Variants in RBMS3 observed in about 807,000 individuals in gnomAD.
RBMS3 encodes the protein RNA-binding motif, single-stranded-interacting protein 3.
In RBMS3, 27 loss-of-function variants were observed where a neutral mutation model predicts 66.8. That is an observed-to-expected ratio of 0.40 (90% CI 0.30 to 0.56). The LOEUF (loss-of-function observed/expected upper bound fraction) is 0.56, where lower values mean the gene tolerates loss of function less well. Ranked by LOEUF, RBMS3 falls within the 20% of genes least tolerant of loss-of-function variation. The probability of loss-of-function intolerance (pLI) is 0.40; values close to 1 mark genes in which losing one functional copy is unlikely to be tolerated. For missense variants in RBMS3, 513 were observed against 549.5 expected, an observed-to-expected ratio of 0.93 and a Z score of 0.66; for synonymous variants, 188 against 183.0, an observed-to-expected ratio of 1.03 and a Z score of -0.22.
chr3:29,398,016 T>C (rs2039635946), intron 1 of RBMS3, among the ~76,000 whole-genome samples: 1 of 152,194 alleles, frequency 6.6e-6, no homozygotes, highest in Admixed American at 6.5e-5. Context: ...AATCTCCTTA[T>C]GGCCTTTGGG....
chr3:29,975,646 G>C (rs1021541448), intron 12 of RBMS3, among the ~76,000 whole-genome samples: 2 of 151,822 alleles, frequency 1.3e-5, no homozygotes, highest in East Asian at 3.9e-4. Context: ...AAATCATATA[G>C]TGAGATCCCT....
intron 2 of RBMS3, among the ~76,000 whole-genome samples, chr3:29,482,464 A>T (rs2125821110): frequency 6.6e-6 from 1 of 152,176 alleles, no homozygotes; most frequent in Non-Finnish European, 1.5e-5. Context: ...TCCTCACAAG[A>T]TTTTCACTGT....
At position 29,369,158 on chromosome 3, in the gene RBMS3, C is replaced by G. The variant is rs184046472; in HGVS notation, c.76-65585C>G. 1.3e-3 allele frequency among the ~76,000 whole-genome samples: 195 copies of G among 151,998 alleles called. 1 individual carries two copies. The highest frequency in any genetic ancestry group is 3.6e-3 in the Admixed American group (55 of 15,254). On this transcript the variant is annotated intron_variant, in intron 1 of 14. Transcript: ENST00000383767. Reference sequence around the variant, plus strand: ...GGGGAACAGCCGGCACCGGGGCCTACTTGAGAGTGGAGGGTCAGAGGAGGG... The same window carrying G: ...GGGGAACAGCCGGCACCGGGGCCTAGTTGAGAGTGGAGGGTCAGAGGAGGG...
chr3:29,479,217 G>A (rs2043051184), intron 2 of RBMS3, among the ~76,000 whole-genome samples: 1 of 151,776 alleles, frequency 6.6e-6, no homozygotes. Flanking sequence ...GTAGGCATGA[G>A]AATTTGCAAT....
intron 6 of RBMS3, among the ~76,000 whole-genome samples, chr3:29,809,492 T>C (rs1288389935): frequency 5.3e-5 from 8 of 152,034 alleles, no homozygotes; most frequent in Non-Finnish European, 1.0e-4. Flanking sequence ...AATAAATCAC[T>C]GATATATTAG....
At chr3:29,893,287 C>T (rs962750656) in intron 8 of RBMS3, among the ~76,000 whole-genome samples, 6 of 151,384 alleles carry the variant, frequency 4.0e-5, no homozygotes, top group African/African-American at 7.3e-5. Flanking sequence ...ATTAAATTTT[C>T]CCCCAAGGGT....
At chr3:29,679,875 C>G (rs1344225357) in intron 4 of RBMS3, among the ~76,000 whole-genome samples, 1 of 151,772 alleles carries the variant, frequency 6.6e-6, no homozygotes, top group Admixed American at 6.6e-5. Flanking sequence ...GATCTTAATT[C>G]TGCTTGTTTA....
rs2059428407 is a variant in RBMS3 at position 29,869,103 on chromosome 3, C to T, written c.744+139C>T. ...GTCTTCAAAGGGGCAAATGAGCAGA[C>T]CCATGTTAATGTGTTCTAGATGAAA... On this transcript the variant is annotated intron_variant, in intron 7 of 14. Coordinates refer to ENST00000383767, the MANE Select transcript of RBMS3 (RefSeq NM_001003793.3). The T allele has an allele frequency of 4.6e-6, 3 of 654,022 alleles. No homozygotes were observed. In the Admixed American group the frequency reaches 9.6e-5, roughly 21 times the overall value. 40.5% of individuals were successfully genotyped at this position (654,022 alleles called of 1,614,324 possible).
chr3:29,775,583 G>A (rs1366349338), intron 6 of RBMS3, among the ~76,000 whole-genome samples: 2 of 151,936 alleles, frequency 1.3e-5, no homozygotes, highest in Non-Finnish European at 2.9e-5. Flanking sequence ...GATGCCACAT[G>A]GGAGCTGTGT....
chr3:29,370,397 T>C (rs4368459), intron 1 of RBMS3, among the ~76,000 whole-genome samples: 45,169 of 152,094 alleles, frequency 0.3, 7,646 homozygotes, highest in East Asian at 0.72. Context: ...GTTCTGCCTC[T>C]TAGTAAATTT....
chr3:29,429,523 T>A (rs1190850113), intron 1 of RBMS3, among the ~76,000 whole-genome samples: 2 of 151,872 alleles, frequency 1.3e-5, no homozygotes, highest in Non-Finnish European at 2.9e-5. Flanking sequence ...GCAAGAGAAA[T>A]CCTCTATCTC....
At chr3:29,642,384 TTTG>T (rs1469785596) in intron 4 of RBMS3, among the ~76,000 whole-genome samples, 2 of 152,030 alleles carry the variant, frequency 1.3e-5, no homozygotes, top group Admixed American at 6.6e-5. Flanking sequence ...TTTTGAACAC[TTTG>T]TTGTTAGTTT....
intron 1 of RBMS3, among the ~76,000 whole-genome samples, chr3:29,417,860 T>C (rs947801993): frequency 1.3e-5 from 2 of 152,162 alleles, no homozygotes; most frequent in African/African-American, 4.8e-5. Context: ...AGGAAAGGAA[T>C]TGTCTATCGT....
chr3:29,350,245 T>C (rs2036832164), intron 1 of RBMS3, among the ~76,000 whole-genome samples: 1 of 152,128 alleles, frequency 6.6e-6, no homozygotes, highest in South Asian at 2.1e-4. Flanking sequence ...TATAAAATTA[T>C]GGCTAAGAAT....
chr3:29,627,303 T>A (rs1472842937), intron 4 of RBMS3, among the ~76,000 whole-genome samples: 1 of 151,158 alleles, frequency 6.6e-6, no homozygotes, highest in Non-Finnish European at 1.5e-5. Flanking sequence ...TCTCTCTGTC[T>A]CTCTCTCTCT....
chr3:29,420,790 T>C (rs2040683886), intron 1 of RBMS3, among the ~76,000 whole-genome samples: 1 of 151,958 alleles, frequency 6.6e-6, no homozygotes, highest in Admixed American at 6.6e-5. Flanking sequence ...CACTCTATGT[T>C]ATAGTGATTG....
At chr3:29,460,847 T>C (rs1182774207) in intron 2 of RBMS3, among the ~76,000 whole-genome samples, 2 of 152,236 alleles carry the variant, frequency 1.3e-5, no homozygotes, top group Non-Finnish European at 2.9e-5. Context: ...GAACAGTGTC[T>C]GATTCTCAGG....
intron 1 of RBMS3, among the ~76,000 whole-genome samples, chr3:29,422,735 T>G (rs1224172406): frequency 6.6e-6 from 1 of 152,182 alleles, no homozygotes; most frequent in Non-Finnish European, 1.5e-5. Context: ...ATTTTGAAAA[T>G]GTATTTATAG....
intron 12 of RBMS3, among the ~76,000 whole-genome samples, chr3:29,950,900 T>C (rs1341200379): frequency 6.6e-6 from 1 of 151,844 alleles, no homozygotes; most frequent in East Asian, 1.9e-4. Flanking sequence ...CAAGTATCTC[T>C]CTCCAGATGA....
Sources: gnomAD v4.1 joint callset for allele counts (sites outside exome capture counted in the v4.1 genomes callset) on GRCh38, gnomAD v4.1.1 for gene constraint, MANE v1.5 for transcripts, NCBI Gene and HGNC (gene_info 2026-07-23, HGNC 2026-07-21) for gene names.